STXBP5L: variants seen among roughly 807,000 people sequenced by gnomAD.
STXBP5L encodes syntaxin-binding protein 5-like.
A neutral mutation model predicts 144.5 loss-of-function variants in STXBP5L; 65 were observed. The ratio of observed to expected loss-of-function variants is 0.45; its 90% CI spans 0.37 to 0.55. The LOEUF (loss-of-function observed/expected upper bound fraction) is 0.55, where lower values mean the gene tolerates loss of function less well. Ranked by LOEUF, STXBP5L falls within the 20% of genes least tolerant of loss-of-function variation. The probability of loss-of-function intolerance (pLI) is 0.00; values close to 1 mark genes in which losing one functional copy is unlikely to be tolerated. For synonymous variants in STXBP5L, 505 were observed against 469.6 expected, an observed-to-expected ratio of 1.08 and a Z score of -0.97; for missense variants, 1,298 against 1,405.5, an observed-to-expected ratio of 0.92 and a Z score of 1.22.
At chr3:121,343,413 G>T (rs1015634139) in intron 20 of STXBP5L, among the ~76,000 whole-genome samples, 2 of 152,102 alleles carry the variant, frequency 1.3e-5, no homozygotes, top group Admixed American at 1.3e-4. Flanking sequence ...TTAGGCAGGA[G>T]AAGGAAATAA....
intron 20 of STXBP5L, among the ~76,000 whole-genome samples, chr3:121,328,665 G>A (rs1055752115): frequency 1.4e-4 from 22 of 152,000 alleles, no homozygotes; most frequent in Non-Finnish European, 2.5e-4. Flanking sequence ...CAGAAGAATC[G>A]CTTGAACCCA....
chr3:121,348,660 T>C (rs2045118846), intron 20 of STXBP5L, among the ~76,000 whole-genome samples: 1 of 152,082 alleles, frequency 6.6e-6, no homozygotes, highest in African/African-American at 2.4e-5. Context: ...ATTCAGAGAT[T>C]CAACTTCTTC....
At chr3:120,990,173 C>A (rs1480364525) in intron 3 of STXBP5L, among the ~76,000 whole-genome samples, 2 of 152,088 alleles carry the variant, frequency 1.3e-5, no homozygotes, top group South Asian at 2.1e-4. Context: ...AACAGACAAA[C>A]AGAGAGCCAA....
intron 20 of STXBP5L, among the ~76,000 whole-genome samples, chr3:121,375,160 C>T (rs1422651530): frequency 1.3e-5 from 2 of 151,954 alleles, no homozygotes; most frequent in Non-Finnish European, 2.9e-5. Context: ...GCACTTGTAC[C>T]CTTTAAATTT....
chr3:120,955,844 C>T (rs1027296570), intron 3 of STXBP5L, among the ~76,000 whole-genome samples: 42 of 151,990 alleles, frequency 2.8e-4, no homozygotes, highest in African/African-American at 9.7e-4. Flanking sequence ...TTTTTCATTT[C>T]AATAATTTTG....
intron 10 of STXBP5L, among the ~76,000 whole-genome samples, chr3:121,217,203 C>T (rs1449075969): frequency 5.3e-5 from 8 of 152,156 alleles, no homozygotes; most frequent in Non-Finnish European, 8.8e-5. Context: ...TTCTGTCTTG[C>T]TGGCATTCCA....
At chr3:121,136,059 G>A (rs186346467) in intron 7 of STXBP5L, among the ~76,000 whole-genome samples, 1 of 152,272 alleles carries the variant, frequency 6.6e-6, no homozygotes, top group African/African-American at 2.4e-5. Flanking sequence ...TCAGTGGCAG[G>A]CAGATTATAG....
chr3:121,225,949 T>C (rs922106405), intron 11 of STXBP5L, among the ~76,000 whole-genome samples: 1 of 152,186 alleles, frequency 6.6e-6, no homozygotes, highest in African/African-American at 2.4e-5. Context: ...TATGGCCTGT[T>C]GACAATAGAA....
intron 9 of STXBP5L, among the ~76,000 whole-genome samples, chr3:121,189,327 T>A (rs1217117178): frequency 6.6e-6 from 1 of 152,164 alleles, no homozygotes; most frequent in Admixed American, 6.5e-5. Context: ...ATTGCCTAGG[T>A]TTTCTTCTAG....
chr3:121,239,017 C>G lies in STXBP5L; in HGVS notation c.1231C>G (p.Pro411Ala), dbSNP rs781593963. 1.9e-6 allele frequency: 3 copies of G among 1,609,214 alleles called. No individual in the cohort carries two copies. The South Asian group carries it at 3.3e-5, about 18-fold the overall frequency. Reference sequence around the variant, plus strand: ...ATATCCCATGGACATTCATGAATCACCAGTTACATGCACAGCATACTTTGC... The same window carrying G: ...ATATCCCATGGACATTCATGAATCAGCAGTTACATGCACAGCATACTTTGC... ...NPYPMDIHES[P>A]VTCTAYFADC... is the part of the protein sequence containing the mutation. The change falls in exon 13 of 27, where the codon CCA (proline) becomes GCA (alanine). Residue 411 changes from proline (P) to alanine (A), a missense_variant. Physicochemically the swap from Pro to Ala is conservative, Grantham distance 27. Transcript: ENST00000471454.
At chr3:121,280,148 G>A (rs2051010787) in intron 19 of STXBP5L, among the ~76,000 whole-genome samples, 192 bp downstream of exon 19, 3 of 151,944 alleles carry the variant, frequency 2.0e-5, no homozygotes, top group Admixed American at 6.6e-5. Context: ...TCAGGGGTGT[G>A]TATGTTTAAA....
At chr3:121,350,645 G>T (rs564557578) in intron 20 of STXBP5L, among the ~76,000 whole-genome samples, 4 of 152,208 alleles carry the variant, frequency 2.6e-5, no homozygotes, top group African/African-American at 9.6e-5. Flanking sequence ...TTTCTTGGAG[G>T]CTTTGTTCGT....
chr3:121,373,739 C>G (rs1048451557), intron 20 of STXBP5L, among the ~76,000 whole-genome samples: 15 of 152,180 alleles, frequency 9.9e-5, no homozygotes, highest in African/African-American at 3.6e-4. Context: ...ATATCACACC[C>G]AGAGGCCTAG....
intron 20 of STXBP5L, among the ~76,000 whole-genome samples, chr3:121,351,146 G>A (rs1220633315): frequency 6.6e-6 from 1 of 152,070 alleles, no homozygotes; most frequent in Non-Finnish European, 1.5e-5. Context: ...TGGTGTGGAT[G>A]TCCTTTCTGT....
intron 5 of STXBP5L, among the ~76,000 whole-genome samples, chr3:121,050,416 TG>T (rs1449548893): frequency 6.6e-6 from 1 of 151,948 alleles, no homozygotes; most frequent in Non-Finnish European, 1.5e-5. Context: ...CAGAAGAGAG[TG>T]GGGGCCAATA....
chr3:121,403,866 CTA>C (rs1349201102), intron 22 of STXBP5L, among the ~76,000 whole-genome samples: 1 of 152,156 alleles, frequency 6.6e-6, no homozygotes, highest in Non-Finnish European at 1.5e-5. Context: ...TACCTTCTAG[CTA>C]TTCCTTCTCA....
intron 5 of STXBP5L, among the ~76,000 whole-genome samples, chr3:121,048,499 G>A (rs1478788868): frequency 1.3e-5 from 2 of 151,978 alleles, no homozygotes; most frequent in African/African-American, 4.8e-5. Flanking sequence ...TGGAGATTTG[G>A]TCTCTTTACA....
intron 20 of STXBP5L, among the ~76,000 whole-genome samples, chr3:121,333,738 A>G (rs1246619053): frequency 6.6e-6 from 1 of 152,222 alleles, no homozygotes; most frequent in Non-Finnish European, 1.5e-5. Flanking sequence ...AGGGACTACT[A>G]TAAACACCTC....
At chr3:121,130,119 A>G (rs1232573083) in intron 7 of STXBP5L, among the ~76,000 whole-genome samples, 3 of 152,116 alleles carry the variant, frequency 2.0e-5, no homozygotes. Flanking sequence ...TTTGTCTCCT[A>G]AGTCAAAGAT....
Sources: allele counts gnomAD v4.1 joint callset (sites outside exome capture counted in the v4.1 genomes callset), GRCh38; gene constraint gnomAD v4.1.1; transcripts MANE v1.5; gene names NCBI Gene and HGNC (gene_info 2026-07-23, HGNC 2026-07-21).